GRM7: variants seen among roughly 807,000 people sequenced by gnomAD.
GRM7 encodes metabotropic glutamate receptor 7.
Under a neutral mutation model 84.5 loss-of-function variants are expected in GRM7, and 35 were observed. The ratio of observed to expected loss-of-function variants is 0.41; its 90% CI spans 0.32 to 0.55. The LOEUF is 0.55. GRM7 is among the 20% of genes least tolerant of loss of function. GRM7 has a pLI of 0.19. For missense variants in GRM7, 1,003 were observed against 1,194.6 expected (o/e 0.84, Z 2.36); for synonymous variants, 487 against 455.1 (o/e 1.07, Z -0.89).
At chr3:7,371,418 AATAG>A (rs558236136) in intron 4 of GRM7, among the ~76,000 whole-genome samples, 154 of 152,284 alleles carry the variant, frequency 1.0e-3, no homozygotes, top group African/African-American at 3.5e-3. Context: ...TTATAACCAA[AATAG>A]ATAATAATTG....
intron 1 of GRM7, among the ~76,000 whole-genome samples, chr3:7,120,573 A>G (rs1047873718): frequency 6.6e-6 from 1 of 152,200 alleles, no homozygotes; most frequent in African/African-American, 2.4e-5. Flanking sequence ...AAATTATACA[A>G]GATTATACCC....
chr3:7,237,649 A>G (rs1049100019), intron 2 of GRM7, among the ~76,000 whole-genome samples: 1 of 152,158 alleles, frequency 6.6e-6, no homozygotes, highest in African/African-American at 2.4e-5. Flanking sequence ...GTTACAGCTC[A>G]TAAAGGTAGT....
chr3:7,157,042 C>G (rs1694473496), intron 2 of GRM7, among the ~76,000 whole-genome samples: 1 of 152,008 alleles, frequency 6.6e-6, no homozygotes. Flanking sequence ...GAAGCTTGGA[C>G]TGGATGGGAA....
At chr3:7,448,017 G>A (rs1029819333) in intron 5 of GRM7, among the ~76,000 whole-genome samples, 9 of 149,912 alleles carry the variant, frequency 6.0e-5, no homozygotes, top group Non-Finnish European at 1.2e-4. Flanking sequence ...TTTTGTCCTT[G>A]CGATAGTTTA....
chr3:6,880,215 CA>C (rs1272611982), intron 1 of GRM7, among the ~76,000 whole-genome samples: 1 of 152,132 alleles, frequency 6.6e-6, no homozygotes, highest in Admixed American at 6.5e-5. Flanking sequence ...GTCTCCCCGA[CA>C]AAGAACCCCA....
intron 8 of GRM7, among the ~76,000 whole-genome samples, chr3:7,587,666 A>C (rs1290833244): frequency 6.6e-6 from 1 of 152,206 alleles, no homozygotes; most frequent in Non-Finnish European, 1.5e-5. Flanking sequence ...TTAAAAAATT[A>C]CTCATTGCTT....
chr3:6,947,264 G>A (rs889879154), intron 1 of GRM7, among the ~76,000 whole-genome samples: 95 of 152,062 alleles, frequency 6.2e-4, no homozygotes, highest in Admixed American at 3.1e-3. Context: ...TAGCATGAAG[G>A]GTTGTTGAAT....
intron 2 of GRM7, among the ~76,000 whole-genome samples, chr3:7,211,313 C>T (rs1333691671): frequency 2.0e-5 from 3 of 152,146 alleles, no homozygotes; most frequent in African/African-American, 7.2e-5. Context: ...TGTAGAAACT[C>T]CTCTTGGACT....
chr3:7,147,930 A>C (rs111261826), intron 2 of GRM7, among the ~76,000 whole-genome samples: 38,653 of 152,076 alleles, frequency 0.25, 5,425 homozygotes, highest in Non-Finnish European at 0.32. Context: ...GTCTTCTCCC[A>C]CAGCGCCTAT....
intron 1 of GRM7, among the ~76,000 whole-genome samples, chr3:6,911,532 A>G (rs1336052959): frequency 3.3e-5 from 5 of 152,158 alleles, no homozygotes; most frequent in Non-Finnish European, 7.4e-5. Context: ...AGAAGTTATT[A>G]TATAATAAAA....
intron 7 of GRM7, among the ~76,000 whole-genome samples, chr3:7,577,586 C>G (rs1463807767): frequency 3.3e-5 from 5 of 152,178 alleles, no homozygotes. Context: ...GTTTCTAATG[C>G]CATTATTTCT....
intron 9 of GRM7, among the ~76,000 whole-genome samples, chr3:7,696,126 G>A (rs1345876803): frequency 2.0e-5 from 3 of 152,258 alleles, no homozygotes; most frequent in African/African-American, 7.2e-5. Context: ...AAGAGTTCCT[G>A]TTGTTCTTAA....
At chr3:7,449,719 A>T (rs1052035419) in intron 5 of GRM7, among the ~76,000 whole-genome samples, 3 of 152,140 alleles carry the variant, frequency 2.0e-5, no homozygotes, top group African/African-American at 7.2e-5. Context: ...CAGCAAGAGA[A>T]GGTAAACTGT....
intron 1 of GRM7, among the ~76,000 whole-genome samples, chr3:6,870,329 G>A (rs1695080731): frequency 6.6e-6 from 1 of 152,102 alleles, no homozygotes. Flanking sequence ...GGATTTAGGG[G>A]AAGACCACTC....
intron 4 of GRM7, among the ~76,000 whole-genome samples, chr3:7,350,095 A>C (rs938987589): frequency 2.6e-5 from 4 of 152,152 alleles, no homozygotes; most frequent in African/African-American, 9.7e-5. Flanking sequence ...GTACCTAATC[A>C]CAAAACATAA....
chr3:6,989,480 TCA>T (rs1694552895), intron 1 of GRM7, among the ~76,000 whole-genome samples: 1 of 152,226 alleles, frequency 6.6e-6, no homozygotes, highest in African/African-American at 2.4e-5. Context: ...TTTATGGCTA[TCA>T]TATATAAATA....
intron 4 of GRM7, among the ~76,000 whole-genome samples, chr3:7,386,295 C>T (rs1049342059): frequency 5.9e-5 from 9 of 151,978 alleles, no homozygotes; most frequent in Admixed American, 4.6e-4. Flanking sequence ...ATTTTAGATT[C>T]GGGAGTTCCT....
At chr3:7,036,925 T>C (rs1384288641) in intron 1 of GRM7, among the ~76,000 whole-genome samples, 1 of 152,182 alleles carries the variant, frequency 6.6e-6, no homozygotes, top group Non-Finnish European at 1.5e-5. Context: ...CTGGCCACCC[T>C]GTCCCAGCAA....
chr3:7,544,895 T>A (rs1348374757), intron 7 of GRM7, among the ~76,000 whole-genome samples: 1 of 152,232 alleles, frequency 6.6e-6, no homozygotes, highest in Non-Finnish European at 1.5e-5. Context: ...TTCTAAAAAT[T>A]TTCGAACCTC....
Sources: allele counts gnomAD v4.1 joint callset (sites outside exome capture counted in the v4.1 genomes callset), GRCh38; gene constraint gnomAD v4.1.1; transcripts MANE v1.5; gene names NCBI Gene and HGNC (gene_info 2026-07-23, HGNC 2026-07-21).